Variants in GABRA1 observed in about 807,000 individuals in gnomAD.
GABRA1 encodes the protein gamma-aminobutyric acid receptor subunit alpha-1.
GABRA1 carries 9 observed loss-of-function variants against 48.9 expected under a neutral mutation model. The ratio of observed to expected loss-of-function variants is 0.18; its 90% CI spans 0.11 to 0.32. The LOEUF (loss-of-function observed/expected upper bound fraction) is 0.32, where lower values mean the gene tolerates loss of function less well. GABRA1 is among the 10% of genes least tolerant of loss of function. The pLI, the probability that GABRA1 is intolerant of heterozygous loss-of-function variation, is 1.00. For synonymous variants in GABRA1, 210 were observed against 198.7 expected, an observed-to-expected ratio of 1.06 and a Z score of -0.48; for missense variants, 285 against 553.8, an observed-to-expected ratio of 0.51 and a Z score of 4.87.
At position 161,859,887 on chromosome 5, in the gene GABRA1, G is replaced by T. The variant is rs567185360; in HGVS notation, c.187+5617G>T. Reference sequence around the variant, plus strand: ...CCAATCTCTTGTTGTTGTTTTTGCTGTGTTTACTTTACTAGAGAATAGCCT... The same window carrying T: ...CCAATCTCTTGTTGTTGTTTTTGCTTTGTTTACTTTACTAGAGAATAGCCT... On this transcript the variant is annotated intron_variant, in intron 3 of 9. Transcript: ENST00000393943. Among the ~76,000 whole-genome samples the T allele has an allele frequency of 4.0e-5, 6 of 151,792 alleles. No individual in the cohort carries two copies. The South Asian group carries it at 1.2e-3, about 31-fold the overall frequency.
chr5:161,876,257 A>T (rs1404895414), intron 6 of GABRA1, among the ~76,000 whole-genome samples: 1 of 152,058 alleles, frequency 6.6e-6, no homozygotes, highest in Non-Finnish European at 1.5e-5. Flanking sequence ...CCTGGGTTTC[A>T]GCTGTTTGAA....
At chr5:161,871,204 A>G (rs1754105878) in intron 4 of GABRA1, among the ~76,000 whole-genome samples, 1 of 152,150 alleles carries the variant, frequency 6.6e-6, no homozygotes, top group Non-Finnish European at 1.5e-5. Flanking sequence ...TTTAGTTTAT[A>G]CTTAACATTT....
chr5:161,896,497 G>A (rs1006457966), intron 9 of GABRA1, among the ~76,000 whole-genome samples: 2 of 152,166 alleles, frequency 1.3e-5, no homozygotes, highest in African/African-American at 2.4e-5. Flanking sequence ...ACACAGTATG[G>A]ATTTTATGTC....
At chr5:161,863,769 C>T (rs561729280) in intron 3 of GABRA1, among the ~76,000 whole-genome samples, 1 of 151,314 alleles carries the variant, frequency 6.6e-6, no homozygotes, top group South Asian at 2.1e-4. Flanking sequence ...TTTCTAACAA[C>T]ATAATGTATT....
intron 3 of GABRA1, among the ~76,000 whole-genome samples, chr5:161,863,049 A>ATATGTTATTTCAAAACT (rs1204596679): frequency 6.6e-6 from 1 of 151,928 alleles, no homozygotes; most frequent in African/African-American, 2.4e-5. Context: ...GCTTCAAAAC[A>ATATGTTATTTCAAAACT]TATGTTATTT....
intron 7 of GABRA1, among the ~76,000 whole-genome samples, chr5:161,889,486 C>A (rs1160570850): frequency 6.6e-6 from 1 of 151,950 alleles, no homozygotes; most frequent in Non-Finnish European, 1.5e-5. Context: ...TTCCATAGGA[C>A]AATAATTTCT....
At chr5:161,858,715 GCTATAGC>G (rs1230313737) in intron 3 of GABRA1, among the ~76,000 whole-genome samples, 1 of 151,764 alleles carries the variant, frequency 6.6e-6, no homozygotes, top group Admixed American at 6.6e-5. Flanking sequence ...ACACAAACAT[GCTATAGC>G]TGAAGGAATG....
At position 161,895,605 on chromosome 5, in the gene GABRA1, C is replaced by G; in HGVS notation, c.857-61C>G. 3 of 1,410,634 alleles carry G rather than the reference C, an allele frequency of 2.1e-6. No individual in the cohort carries two copies. In the Admixed American group the frequency reaches 5.5e-5, roughly 26 times the overall value. 87.4% of individuals were successfully genotyped at this position (1,410,634 alleles called of 1,614,324 possible). On this transcript the variant is annotated intron_variant, in intron 8 of 9. Coordinates refer to ENST00000393943, the MANE Select transcript of GABRA1 (RefSeq NM_001127644.2). ...TTCCTTTTGTTCAAGTAGGCTGTCC[C>G]ATCATGATGAAATTTCACAGTATGA...
rs1165109071 is a variant in GABRA1 at position 161,896,495 on chromosome 5, T to C, written c.1060-616T>C. ...CTCAATTAGAACCTATTACACAGTA[T>C]GGATTTTATGTCACAGCTTGGGAGG... On this transcript the variant is annotated intron_variant, in intron 9 of 9. Transcript: ENST00000393943. Among the ~76,000 whole-genome samples, 3 of 152,164 alleles carry C rather than the reference T, an allele frequency of 2.0e-5. No individual in the cohort carries two copies. In the East Asian group the frequency reaches 5.8e-4, roughly 29 times the overall value.
chr5:161,890,916 C>G lies in GABRA1; in HGVS notation c.722C>G (p.Thr241Ser), dbSNP rs1230801807. ...QSSTGEYVVM[T>S]THFHLKRKIG... is the part of the protein sequence containing the mutation. ...TTCTCAGGAGAATATGTTGTTATGA[C>G]CACTCATTTCCACTTGAAGAGAAAG... Residue 241 changes from threonine (T) to serine (S), a missense_variant, in exon 8 of 10, where the codon ACC becomes AGC. By Grantham distance (58) the Thr-to-Ser change is moderately conservative. This residue lies in a region of GABRA1 where 105 missense variants were observed against 267.4 expected (regional missense o/e 0.39). Transcript: ENST00000393943. 1 of 1,613,242 alleles carries G rather than the reference C, an allele frequency of 6.2e-7. No individual in the cohort carries two copies. The highest frequency in any genetic ancestry group is 2.2e-5 in the East Asian group (1 of 44,816).
chr5:161,850,597 A>G (rs1302135559), intron 1 of GABRA1, 199 bp from the exon 2 acceptor site: 2 of 610,920 alleles, frequency 3.3e-6, no homozygotes, highest in African/African-American at 1.8e-5. Flanking sequence ...GGACACTGAT[A>G]TATTTCTGAA....
intron 3 of GABRA1, among the ~76,000 whole-genome samples, chr5:161,858,262 C>T (rs185374879): frequency 2.0e-5 from 3 of 151,668 alleles, no homozygotes; most frequent in South Asian, 4.1e-4. Context: ...CCTGGATGTT[C>T]TCCAGCTTCC....
chr5:161,865,632 A>T, intron 3 of GABRA1, 89 bp from the exon 4 acceptor site: 1 of 1,019,278 alleles, frequency 9.8e-7, no homozygotes, highest in Non-Finnish European at 1.6e-6. Flanking sequence ...AAAGACAATC[A>T]ATTTCCCATT....
At chr5:161,849,935 C>G (rs1561562444) in intron 1 of GABRA1, 1 of 152,214 alleles carries the variant, frequency 6.6e-6, no homozygotes, top group South Asian at 2.1e-4. Context: ...ATTGATTGCA[C>G]TTTACCTAAG....
At chr5:161,863,637 C>G (rs148019030) in intron 3 of GABRA1, among the ~76,000 whole-genome samples, 1 of 151,880 alleles carries the variant, frequency 6.6e-6, no homozygotes, top group African/African-American at 2.4e-5. Flanking sequence ...GAGATTTGGG[C>G]GGGGACAAAT....
intron 3 of GABRA1, among the ~76,000 whole-genome samples, chr5:161,862,240 A>C (rs1757890312): frequency 2.0e-5 from 3 of 151,884 alleles, no homozygotes. Context: ...GCTGAAATGC[A>C]CAGGGCTCTT....
chr5:161,863,144 A>C (rs940193216), intron 3 of GABRA1, among the ~76,000 whole-genome samples: 1 of 151,894 alleles, frequency 6.6e-6, no homozygotes, highest in African/African-American at 2.4e-5. Context: ...GGGATGTAAT[A>C]TATAGTATTT....
intron 3 of GABRA1, among the ~76,000 whole-genome samples, chr5:161,857,337 A>T: frequency 6.6e-6 from 1 of 151,412 alleles, no homozygotes; most frequent in Admixed American, 6.6e-5. Flanking sequence ...AATACAAGAA[A>T]CTCCTGTATT....
At chr5:161,857,083 G>A (rs1238092707) in intron 3 of GABRA1, among the ~76,000 whole-genome samples, 1 of 151,138 alleles carries the variant, frequency 6.6e-6, no homozygotes, top group African/African-American at 2.4e-5. Context: ...CAGATGAAAA[G>A]ACTATGTAAA....
Sources: allele counts gnomAD v4.1 joint callset (sites outside exome capture counted in the v4.1 genomes callset), GRCh38; gene constraint gnomAD v4.1.1; regional missense constraint gnomAD v4.1.1; transcripts MANE v1.5; gene names NCBI Gene and HGNC (gene_info 2026-07-23, HGNC 2026-07-21).